Variants in FER1L6 observed in about 807,000 individuals in gnomAD.
FER1L6 encodes the protein fer-1-like protein 6.
FER1L6 carries 177 observed loss-of-function variants against 219.2 expected under a neutral mutation model. The ratio of observed to expected loss-of-function variants is 0.81; its 90% CI spans 0.71 to 0.91. FER1L6 has a LOEUF of 0.91. Among genes scored for constraint, FER1L6 ranks in the 40% least tolerant of loss-of-function variants. FER1L6 has a pLI of 0.00. For synonymous variants in FER1L6, 768 were observed against 824.3 expected (o/e 0.93, Z 1.17); for missense variants, 2,153 against 2,259.9 (o/e 0.95, Z 0.96).
At chr8:123,963,978 G>T (rs1441162680) in intron 3 of FER1L6, among the ~76,000 whole-genome samples, 1 of 152,218 alleles carries the variant, frequency 6.6e-6, no homozygotes, top group Non-Finnish European at 1.5e-5. Flanking sequence ...TGGCAGCTCT[G>T]CTGGTTAGTT....
chr8:124,120,008 A>G lies in FER1L6; in HGVS notation c.*218A>G. The G allele has an allele frequency of 2.3e-6, 1 of 433,892 alleles. No homozygotes were observed. Among genetic ancestry groups the G allele is most frequent in the Non-Finnish European group, 4.0e-6 (1 of 249,322 alleles). The allele number at this position is 433,892 out of a possible 1,614,324, so 26.9% of individuals were successfully genotyped here. A position where few individuals can be genotyped will look rare whatever the true frequency, so the allele number is the denominator to read the frequency against. Reference sequence around the variant, plus strand: ...CATGTTTTATCCCTTGGGCAGCATGAAATAAGGCACTTTCACCTCATGGTA... The same window carrying G: ...CATGTTTTATCCCTTGGGCAGCATGGAATAAGGCACTTTCACCTCATGGTA... On this transcript the variant is annotated 3_prime_UTR_variant, in exon 41 of 41. Transcript: ENST00000522917.
Position 124,009,696 on chromosome 8 carries a change from G to A in FER1L6, c.1701-898G>A, listed in dbSNP as rs562501698. The stretch of plus-strand genomic sequence containing the variant: ...CTTTGAAGTCTGAGGGTCATTGATC[G>A]GGAGGTCCAGGAAGGAGCTGGTGCT... On this transcript the variant is annotated intron_variant, in intron 13 of 40. Coordinates refer to ENST00000522917, the MANE Select transcript of FER1L6 (RefSeq NM_001039112.2). Among the ~76,000 whole-genome samples, 19 of 152,122 alleles carry A rather than the reference G, an allele frequency of 1.2e-4. No individual in the cohort carries two copies. In the South Asian group the frequency reaches 3.5e-3, roughly 28 times the overall value.
Position 124,023,453 on chromosome 8 carries a change from A to C in FER1L6, c.2143A>C (p.Thr715Pro). Residue 715 changes from threonine to proline, a missense_variant, in exon 18 of 41, where the codon ACT becomes CCT. Physicochemically the swap from Thr to Pro is conservative, Grantham distance 38 (BLOSUM62 -1). Coordinates refer to ENST00000522917, the MANE Select transcript of FER1L6 (RefSeq NM_001039112.2). ...IRFLVDEPQH[T>P]IPDVFIWMLS... Reference sequence around the variant, plus strand: ...CCCTCTATTCCCACAGCCCCAGCACACTATCCCTGACGTTTTCATCTGGAT... The same window carrying C: ...CCCTCTATTCCCACAGCCCCAGCACCCTATCCCTGACGTTTTCATCTGGAT... 1 of 1,614,044 alleles carries C rather than the reference A, an allele frequency of 6.2e-7. No individual in the cohort carries two copies. Among genetic ancestry groups the C allele is most frequent in the Non-Finnish European group, 8.5e-7 (1 of 1,179,934 alleles).
At chr8:123,920,582 T>C (rs2129830113) in intron 1 of FER1L6, among the ~76,000 whole-genome samples, 2 of 152,348 alleles carry the variant, frequency 1.3e-5, no homozygotes, top group South Asian at 4.1e-4. Context: ...TTAGCAGGGC[T>C]ACAGTTGTGT....
chr8:124,055,503 A>ACTAT (rs1307046574), intron 22 of FER1L6, among the ~76,000 whole-genome samples: 1 of 152,100 alleles, frequency 6.6e-6, no homozygotes, highest in Non-Finnish European at 1.5e-5. Flanking sequence ...TGCAATCAGA[A>ACTAT]CTATCTGTTG....
chr8:124,056,029 T>C (rs533965251), intron 22 of FER1L6, among the ~76,000 whole-genome samples: 1 of 152,262 alleles, frequency 6.6e-6, no homozygotes, highest in African/African-American at 2.4e-5. Flanking sequence ...ACTCTGACTC[T>C]CCTGCTGCTG....
intron 1 of FER1L6, among the ~76,000 whole-genome samples, chr8:123,950,371 T>C (rs1814703248): frequency 6.6e-6 from 1 of 152,112 alleles, no homozygotes; most frequent in African/African-American, 2.4e-5. Flanking sequence ...TGCCCCAGGG[T>C]GGGCAGGAAG....
intron 1 of FER1L6, among the ~76,000 whole-genome samples, chr8:123,907,317 G>C (rs1372659075): frequency 3.3e-5 from 5 of 152,144 alleles, no homozygotes; most frequent in African/African-American, 1.2e-4. Flanking sequence ...TAGGTACAGG[G>C]AGGGGCTATG....
intron 18 of FER1L6, among the ~76,000 whole-genome samples, chr8:124,034,907 A>G (rs1486205477): frequency 6.6e-6 from 1 of 152,212 alleles, no homozygotes; most frequent in Non-Finnish European, 1.5e-5. Context: ...CGTCTCTGTC[A>G]CTTAAAAACT....
intron 22 of FER1L6, among the ~76,000 whole-genome samples, chr8:124,056,768 A>G (rs1820316418): frequency 6.6e-6 from 1 of 152,206 alleles, no homozygotes; most frequent in South Asian, 2.1e-4. Flanking sequence ...CTTCCAGGCC[A>G]GGCACAGTGG....
intron 12 of FER1L6, among the ~76,000 whole-genome samples, chr8:123,991,443 GTT>G (rs61107452): frequency 1.3e-5 from 2 of 149,300 alleles, no homozygotes; most frequent in African/African-American, 4.9e-5. Flanking sequence ...TATATTCCTA[GTT>G]TTTTTTTTCT....
At chr8:123,855,612 C>A (rs1816619313) in intron 1 of FER1L6, among the ~76,000 whole-genome samples, 1 of 149,998 alleles carries the variant, frequency 6.7e-6, no homozygotes. Context: ...TCCCACTGGA[C>A]CCCACAAAGT....
At position 123,922,682 on chromosome 8, in the gene FER1L6, C is replaced by T. The variant is rs549866204; in HGVS notation, c.-7-33310C>T. On this transcript the variant is annotated intron_variant, in intron 1 of 40. Transcript: ENST00000522917. ...CTCCACGTCCCTTTGCCAAGAGAAA[C>T]TGACATGTTTCTGGACTCTTAAGGT... 2.3e-4 allele frequency among the ~76,000 whole-genome samples: 35 copies of T among 152,322 alleles called. 1 individual carries two copies. The South Asian group carries it at 7.0e-3, about 31-fold the overall frequency.
chr8:123,926,093 A>C (rs1813552971), intron 1 of FER1L6, among the ~76,000 whole-genome samples: 1 of 152,188 alleles, frequency 6.6e-6, no homozygotes, highest in Non-Finnish European at 1.5e-5. Flanking sequence ...TTTATAAAAA[A>C]ATGCAGTGTA....
At chr8:123,939,321 C>T (rs1485938955) in intron 1 of FER1L6, 1 of 434,272 alleles carries the variant, frequency 2.3e-6, no homozygotes, top group East Asian at 1.6e-4. Flanking sequence ...AGGTTTACCC[C>T]AGTGTTTTCA....
At position 124,022,111 on chromosome 8, in the gene FER1L6, G is replaced by A. The variant is rs959627758; in HGVS notation, c.2133+442G>A. Among the ~76,000 whole-genome samples the A allele has an allele frequency of 3.9e-5, 6 of 152,226 alleles. 1 individual carries two copies. Among genetic ancestry groups the A allele is most frequent in the Admixed American group, 3.3e-4 (5 of 15,284 alleles). ...CTGTCAGATACTGACACTCGTTCTT[G>A]AAGCTTGCAAATGTGTAGAAACTTC... On this transcript the variant is annotated intron_variant, in intron 17 of 40. Transcript: ENST00000522917.
rs185982179 is a variant in FER1L6, at chr8:123,857,264, C to A, written c.-8+5079C>A. 1.6e-4 allele frequency among the ~76,000 whole-genome samples: 24 copies of A among 152,280 alleles called. No homozygotes were observed. The East Asian group carries it at 2.5e-3, about 16-fold the overall frequency. On this transcript the variant is annotated intron_variant, in intron 1 of 40. Transcript: ENST00000522917. Reference sequence around the variant, plus strand: ...ATGGCTCATGCCTGTAATCTCAGCACTTTGGGAGGCCAAGGCAGGAGGATC... The same window carrying A: ...ATGGCTCATGCCTGTAATCTCAGCAATTTGGGAGGCCAAGGCAGGAGGATC...
At chr8:124,115,460 C>T (rs114014825) in intron 39 of FER1L6, among the ~76,000 whole-genome samples, 1 of 152,018 alleles carries the variant, frequency 6.6e-6, no homozygotes, top group African/African-American at 2.4e-5. Context: ...TGGCGCAAGG[C>T]TCTTCATGAT....
chr8:123,891,517 A>G (rs558911557), intron 1 of FER1L6, among the ~76,000 whole-genome samples: 1 of 152,174 alleles, frequency 6.6e-6, no homozygotes, highest in Non-Finnish European at 1.5e-5. Flanking sequence ...TTCTGTCATT[A>G]GAATGTTAGC....
Sources: gnomAD v4.1 joint callset for allele counts (sites outside exome capture counted in the v4.1 genomes callset) on GRCh38, gnomAD v4.1.1 for gene constraint, MANE v1.5 for transcripts, NCBI Gene and HGNC (gene_info 2026-07-23, HGNC 2026-07-21) for gene names.